The following GNAI1 variants were observed in gnomAD, a reference collection of about 807,000 sequenced individuals.
GNAI1 encodes G protein subunit alpha i1.
A neutral mutation model predicts 38.9 loss-of-function variants in GNAI1; 11 were observed. The ratio of observed to expected loss-of-function variants is 0.28; its 90% CI spans 0.18 to 0.47. GNAI1 has a LOEUF of 0.47. GNAI1 is among the 20% of genes least tolerant of loss of function. The pLI, the probability that GNAI1 is intolerant of heterozygous loss-of-function variation, is 0.99. For missense variants in GNAI1, 317 were observed against 436.9 expected (o/e 0.73, Z 2.45); for synonymous variants, 166 against 145.1 (o/e 1.14, Z -1.04).
At chr7:80,175,972 G>T (rs1291332597) in intron 1 of GNAI1, among the ~76,000 whole-genome samples, 2 of 152,188 alleles carry the variant, frequency 1.3e-5, no homozygotes, top group Non-Finnish European at 2.9e-5. Flanking sequence ...AGCTAGAAAT[G>T]ATTAAGCTTA....
chr7:80,218,123 G>C lies in GNAI1; in HGVS notation c.*630G>C, dbSNP rs915788746. On this transcript the variant is annotated 3_prime_UTR_variant, in exon 8 of 8. Coordinates refer to ENST00000649796, the MANE Select transcript of GNAI1 (RefSeq NM_002069.6). ...AAATGTTCTTAAGATGAATACACCT[G>C]CCTTTGGATCAACTATTTAAACATT... The C allele has an allele frequency of 6.6e-6, 1 of 152,236 alleles. No homozygotes were observed. Among genetic ancestry groups the C allele is most frequent in the Non-Finnish European group, 1.5e-5 (1 of 67,956 alleles). The allele number at this position is 152,236 out of a possible 1,614,324, so 9.4% of individuals were successfully genotyped here. A position where few individuals can be genotyped will look rare whatever the true frequency, so the allele number is the denominator to read the frequency against.
At chr7:80,194,640 G>GA (rs910247671) in intron 3 of GNAI1, among the ~76,000 whole-genome samples, 4 of 152,008 alleles carry the variant, frequency 2.6e-5, no homozygotes, top group Non-Finnish European at 5.9e-5. Flanking sequence ...TATATGCATG[G>GA]AGTAAGGATG....
At chr7:80,190,680 T>G (rs1167742824) in intron 3 of GNAI1, among the ~76,000 whole-genome samples, 2 of 152,146 alleles carry the variant, frequency 1.3e-5, no homozygotes, top group Non-Finnish European at 2.9e-5. Context: ...AATTGTACCT[T>G]ACACCAATTC....
chr7:80,195,642 C>G (rs755067964), intron 3 of GNAI1, among the ~76,000 whole-genome samples: 1 of 151,862 alleles, frequency 6.6e-6, no homozygotes, highest in African/African-American at 2.4e-5. Context: ...ATTCAACAGC[C>G]CTTCATGCTA....
intron 1 of GNAI1, among the ~76,000 whole-genome samples, chr7:80,143,904 A>ATGTG (rs796509056): frequency 5.2e-5 from 4 of 76,264 alleles, no homozygotes; most frequent in African/African-American, 7.7e-5. Flanking sequence ...CTTAGCAAGG[A>ATGTG]TGTGTGTGTG....
At chr7:80,155,871 A>G (rs372457784) in intron 1 of GNAI1, among the ~76,000 whole-genome samples, 23 of 152,026 alleles carry the variant, frequency 1.5e-4, no homozygotes, top group Non-Finnish European at 3.1e-4. Context: ...CCTGGCCAAT[A>G]TGGTGAAACC....
At chr7:80,177,622 CA>C (rs1159167912) in intron 1 of GNAI1, among the ~76,000 whole-genome samples, 2 of 152,142 alleles carry the variant, frequency 1.3e-5, no homozygotes, top group Non-Finnish European at 2.9e-5. Context: ...GCTAGGACTA[CA>C]AAATGCCTGG....
At chr7:80,199,957 A>G (rs1035279724) in intron 4 of GNAI1, among the ~76,000 whole-genome samples, 7 of 152,098 alleles carry the variant, frequency 4.6e-5, no homozygotes, top group Non-Finnish European at 1.0e-4. Context: ...TTTTTGGAAG[A>G]AAAATCTGCC....
At chr7:80,214,379 A>T (rs1788926447) in intron 7 of GNAI1, among the ~76,000 whole-genome samples, 1 of 152,052 alleles carries the variant, frequency 6.6e-6, no homozygotes, top group Non-Finnish European at 1.5e-5. Flanking sequence ...ATATTCTATG[A>T]TGTAGCCATT....
intron 7 of GNAI1, 80 bp from the exon 8 acceptor site, chr7:80,217,223 T>TATGTATGAAACTGACTTCAGTTTCAC: frequency 1.1e-6 from 1 of 910,890 alleles, no homozygotes; most frequent in Non-Finnish European, 1.6e-6. Context: ...TTCAGTTTCA[T>TATGTATGAAACTGACTTCAGTTTCAC]ATGTATGAAA....
Position 80,189,001 on chromosome 7 carries a change from G to A in GNAI1, c.161+8G>A, listed in dbSNP as rs763248103. The A allele has an allele frequency of 6.2e-7, 1 of 1,606,414 alleles. No individual in the cohort carries two copies. Among genetic ancestry groups the A allele is most frequent in the East Asian group, 2.2e-5 (1 of 44,814 alleles). On this transcript the variant is annotated splice_region_variant and intron_variant, in intron 2 of 7. Transcript: ENST00000649796. ...AATTGTGAAGCAGATGAAGTAAGTAGATTTAAACACCAAATTTGCTGTTTA... is the reference window on the plus strand; with the variant it reads ...AATTGTGAAGCAGATGAAGTAAGTAAATTTAAACACCAAATTTGCTGTTTA...
intron 1 of GNAI1, among the ~76,000 whole-genome samples, chr7:80,152,959 G>A (rs1459648966): frequency 1.3e-5 from 2 of 151,706 alleles, no homozygotes. Flanking sequence ...AAAAACCTGA[G>A]GCAATTAAAT....
intron 1 of GNAI1, among the ~76,000 whole-genome samples, chr7:80,179,759 G>A (rs1788257902): frequency 6.6e-6 from 1 of 152,156 alleles, no homozygotes; most frequent in African/African-American, 2.4e-5. Flanking sequence ...CACTGGTGGT[G>A]ATTTACCCAG....
At chr7:80,139,397 C>CTCTA (rs911309212) in intron 1 of GNAI1, among the ~76,000 whole-genome samples, 3 of 152,118 alleles carry the variant, frequency 2.0e-5, no homozygotes, top group Non-Finnish European at 4.4e-5. Context: ...CTTGGCTTCC[C>CTCTA]TCTAGCCTTA....
chr7:80,161,257 G>A (rs1038209148), intron 1 of GNAI1, among the ~76,000 whole-genome samples: 12 of 152,046 alleles, frequency 7.9e-5, no homozygotes, highest in African/African-American at 2.4e-4. Context: ...ACCCTTTTAC[G>A]TATTGTTTTA....
chr7:80,203,727 T>G lies in GNAI1; in HGVS notation c.485T>G (p.Ile162Arg). The change falls in exon 5 of 8, where the codon ATA becomes AGA. Residue 162 changes from isoleucine (I) to arginine (R), a missense_variant. Physicochemically the swap from Ile to Arg is moderately conservative, Grantham distance 97. This residue lies in a region of GNAI1 where 158 missense variants were observed against 234.7 expected (regional missense o/e 0.67). Coordinates refer to ENST00000649796, the MANE Select transcript of GNAI1 (RefSeq NM_002069.6). ...AAYYLNDLDRIAQPNYIPTQQ... is the reference protein window; with the variant it reads ...AAYYLNDLDRRAQPNYIPTQQ... ...AGCTATTTGAATGACTTGGACAGAATAGCTCAACCAAATTACATCCCGACT... is the reference window on the plus strand; with the variant it reads ...AGCTATTTGAATGACTTGGACAGAAGAGCTCAACCAAATTACATCCCGACT... The G allele has an allele frequency of 6.3e-7, 1 of 1,594,456 alleles. No homozygotes were observed. Among genetic ancestry groups the G allele is most frequent in the Non-Finnish European group, 8.6e-7 (1 of 1,164,924 alleles).
chr7:80,139,065 C>T (rs1481211637), intron 1 of GNAI1, among the ~76,000 whole-genome samples: 1 of 152,114 alleles, frequency 6.6e-6, no homozygotes, highest in South Asian at 2.1e-4. Context: ...TCTTAGATGT[C>T]AAAAAGCCCA....
chr7:80,152,175 C>A (rs1278502048), intron 1 of GNAI1, among the ~76,000 whole-genome samples: 1 of 152,108 alleles, frequency 6.6e-6, no homozygotes, highest in Non-Finnish European at 1.5e-5. Flanking sequence ...TAGTACGTGG[C>A]CATGCTGGGT....
intron 5 of GNAI1, among the ~76,000 whole-genome samples, chr7:80,207,455 C>G (rs1239819844): frequency 6.6e-6 from 1 of 151,944 alleles, no homozygotes; most frequent in Non-Finnish European, 1.5e-5. Flanking sequence ...ATTTAGGCTT[C>G]TTGGTTGAGG....
Sources: allele counts gnomAD v4.1 joint callset (sites outside exome capture counted in the v4.1 genomes callset), GRCh38; gene constraint gnomAD v4.1.1; regional missense constraint gnomAD v4.1.1; transcripts MANE v1.5; gene names NCBI Gene and HGNC (gene_info 2026-07-23, HGNC 2026-07-21).